The following MOB3B variants were observed in gnomAD, a reference collection of about 807,000 sequenced individuals.
The protein encoded by MOB3B is MOB kinase activator-like 2B.
Under a neutral mutation model 18.7 loss-of-function variants are expected in MOB3B, and 7 were observed. That is an observed-to-expected ratio of 0.37 (90% CI 0.21 to 0.70). The LOEUF (loss-of-function observed/expected upper bound fraction) is 0.70. MOB3B is among the 30% of genes least tolerant of loss of function. The pLI, the probability that MOB3B is intolerant of heterozygous loss-of-function variation, is 0.52. For missense variants in MOB3B, 253 were observed against 281.3 expected, an observed-to-expected ratio of 0.90 and a Z score of 0.72; for synonymous variants, 111 against 99.9, an observed-to-expected ratio of 1.11 and a Z score of -0.66.
chr9:27,368,555 T>C (rs1011097594), intron 2 of MOB3B, among the ~76,000 whole-genome samples: 15 of 152,162 alleles, frequency 9.9e-5, no homozygotes. Context: ...CAGGACTTTG[T>C]TCCTCTGCCT....
chr9:27,416,311 C>G (rs1310729223), intron 2 of MOB3B, among the ~76,000 whole-genome samples: 1 of 151,852 alleles, frequency 6.6e-6, no homozygotes, highest in Non-Finnish European at 1.5e-5. Flanking sequence ...GAAAAAAGAG[C>G]TTTTCTTTGA....
chr9:27,498,103 AC>A (rs1819927497), intron 1 of MOB3B, among the ~76,000 whole-genome samples: 3 of 151,654 alleles, frequency 2.0e-5, no homozygotes, highest in African/African-American at 4.9e-5. Flanking sequence ...CCGGCTGCCC[AC>A]CCCCTTCTCC....
intron 2 of MOB3B, among the ~76,000 whole-genome samples, chr9:27,433,494 C>CA (rs1822447487): frequency 6.6e-6 from 1 of 151,896 alleles, no homozygotes; most frequent in South Asian, 2.1e-4. Context: ...ATCAGAAATG[C>CA]AAAAAAATCT....
intron 2 of MOB3B, among the ~76,000 whole-genome samples, chr9:27,404,640 GA>G (rs1021779463): frequency 2.0e-4 from 31 of 151,960 alleles, no homozygotes; most frequent in African/African-American, 5.6e-4. Context: ...TTACAGGCGT[GA>G]TCCACTATGC....
At chr9:27,333,079 T>C (rs1309316568) in intron 3 of MOB3B, among the ~76,000 whole-genome samples, 1 of 152,178 alleles carries the variant, frequency 6.6e-6, no homozygotes, top group Non-Finnish European at 1.5e-5. Context: ...ATTATGCCAC[T>C]GAGAGAGTAT....
At chr9:27,406,432 A>C (rs1325112720) in intron 2 of MOB3B, among the ~76,000 whole-genome samples, 1 of 152,250 alleles carries the variant, frequency 6.6e-6, no homozygotes, top group Non-Finnish European at 1.5e-5. Flanking sequence ...TAGCCGAAGC[A>C]ATCCTGGGCA....
chr9:27,449,999 A>C lies in MOB3B; in HGVS notation c.418+5134T>G, dbSNP rs529217037. 6.6e-5 allele frequency among the ~76,000 whole-genome samples: 10 copies of C among 152,026 alleles called. No individual in the cohort carries two copies. In the East Asian group the frequency reaches 1.2e-3, roughly 18 times the overall value. ...TCTCAAAAATTAAAAAAAAAAAAAAAAAAACTTAAAATGTAAAGGCCAATC... is the reference window on the plus strand; with the variant it reads ...TCTCAAAAATTAAAAAAAAAAAAAACAAAACTTAAAATGTAAAGGCCAATC... On this transcript the variant is annotated intron_variant, in intron 2 of 3. Coordinates refer to ENST00000262244, the MANE Select transcript of MOB3B (RefSeq NM_024761.5).
At chr9:27,477,209 C>T (rs1425196477) in intron 1 of MOB3B, among the ~76,000 whole-genome samples, 1 of 152,218 alleles carries the variant, frequency 6.6e-6, no homozygotes, top group Non-Finnish European at 1.5e-5. Flanking sequence ...CTCACTCTTG[C>T]TCACAGGAGT....
chr9:27,415,245 A>G (rs1430938851), intron 2 of MOB3B, among the ~76,000 whole-genome samples: 2 of 152,240 alleles, frequency 1.3e-5, no homozygotes, highest in Non-Finnish European at 2.9e-5. Flanking sequence ...AAAGACAAAT[A>G]TGACAGTTTC....
chr9:27,398,762 T>A (rs1408728645), intron 2 of MOB3B, among the ~76,000 whole-genome samples: 1 of 152,200 alleles, frequency 6.6e-6, no homozygotes, highest in Non-Finnish European at 1.5e-5. Context: ...TAGTTACATA[T>A]AATCAAATAC....
chr9:27,341,942 C>T (rs1820948192), intron 3 of MOB3B, among the ~76,000 whole-genome samples: 1 of 152,020 alleles, frequency 6.6e-6, no homozygotes, highest in Admixed American at 6.5e-5. Context: ...TTGTATGGCC[C>T]ATAAGCTAAG....
intron 2 of MOB3B, among the ~76,000 whole-genome samples, chr9:27,410,144 G>A (rs1822042613): frequency 6.6e-6 from 1 of 152,160 alleles, no homozygotes; most frequent in Admixed American, 6.5e-5. Context: ...GAACTTAGAA[G>A]AAATCGATCC....
intron 1 of MOB3B, among the ~76,000 whole-genome samples, chr9:27,458,030 G>C (rs183128478): frequency 1.6e-3 from 250 of 152,232 alleles, no homozygotes; most frequent in African/African-American, 5.8e-3. Flanking sequence ...GTGAGGACTT[G>C]TTTTTTAAAA....
chr9:27,409,986 A>T (rs1822039771), intron 2 of MOB3B, among the ~76,000 whole-genome samples: 1 of 152,180 alleles, frequency 6.6e-6, no homozygotes, highest in African/African-American at 2.4e-5. Flanking sequence ...AGTGATGAAA[A>T]AGTTCTGGAA....
chr9:27,453,105 G>C (rs1587226401), intron 2 of MOB3B, among the ~76,000 whole-genome samples: 1 of 152,052 alleles, frequency 6.6e-6, no homozygotes, highest in East Asian at 1.9e-4. Context: ...ATAAACAAAA[G>C]TTTGACAACT....
At chr9:27,436,445 G>T (rs1026312138) in intron 2 of MOB3B, among the ~76,000 whole-genome samples, 1 of 152,136 alleles carries the variant, frequency 6.6e-6, no homozygotes, top group Non-Finnish European at 1.5e-5. Context: ...GGTCATGCAC[G>T]TTTTGTTTCC....
intron 1 of MOB3B, among the ~76,000 whole-genome samples, chr9:27,490,781 C>T (rs1587253601): frequency 6.6e-6 from 1 of 152,010 alleles, no homozygotes; most frequent in East Asian, 1.9e-4. Flanking sequence ...CTTTTAGCAC[C>T]AATAAAATGT....
chr9:27,491,289 G>C (rs762283780), intron 1 of MOB3B, among the ~76,000 whole-genome samples: 1 of 151,978 alleles, frequency 6.6e-6, no homozygotes, highest in Non-Finnish European at 1.5e-5. Context: ...CAGAAGGTTA[G>C]AAAAAGAGAA....
At chr9:27,511,206 T>C (rs1169846450) in intron 1 of MOB3B, among the ~76,000 whole-genome samples, 1 of 86,992 alleles carries the variant, frequency 1.1e-5, no homozygotes, top group Non-Finnish European at 2.4e-5. Flanking sequence ...TAAAACATTT[T>C]CATCTTTGAC....
Sources: allele counts gnomAD v4.1 joint callset (sites outside exome capture counted in the v4.1 genomes callset), GRCh38; gene constraint gnomAD v4.1.1; transcripts MANE v1.5; gene names NCBI Gene and HGNC (gene_info 2026-07-23, HGNC 2026-07-21).